Variants in RGS12 observed in about 807,000 individuals in gnomAD.
RGS12 encodes regulator of G-protein signaling 12.
Under a neutral mutation model 120.1 loss-of-function variants are expected in RGS12, and 66 were observed. The observed-to-expected ratio is 0.55, with a 90% CI of 0.45 to 0.67. The LOEUF (loss-of-function observed/expected upper bound fraction) is 0.67, where lower values mean the gene tolerates loss of function less well. Ranked by LOEUF, RGS12 falls within the 30% of genes least tolerant of loss-of-function variation. The probability of loss-of-function intolerance (pLI) is 0.00; values close to 1 mark genes in which losing one functional copy is unlikely to be tolerated. For synonymous variants in RGS12, 827 were observed against 804.7 expected (o/e 1.03, Z -0.47); for missense variants, 1,859 against 1,957.7 (o/e 0.95, Z 0.95).
At chr4:3,302,212 G>C (rs1039477268) in intron 1 of RGS12, among the ~76,000 whole-genome samples, 1 of 152,224 alleles carries the variant, frequency 6.6e-6, no homozygotes, top group Admixed American at 6.5e-5. Context: ...GCGCACGGGG[G>C]TATCCTGGAG....
chr4:3,431,863 G>A (rs528895323), intron 17 of RGS12: 200 of 985,608 alleles, frequency 2.0e-4, no homozygotes, highest in East Asian at 3.4e-4. Context: ...GAGGCCTGCC[G>A]TGAGGTTTGG....
chr4:3,420,599 CAG>C (rs762833091), intron 9 of RGS12, 41 bp from the exon 10 acceptor site: 1 of 1,596,978 alleles, frequency 6.3e-7, no homozygotes, highest in African/African-American at 1.3e-5. Flanking sequence ...ACCGAATAAA[CAG>C]GGTTCTGATT....
At chr4:3,341,034 CGGCCTGGTGGG>C (rs1421350864) in intron 2 of RGS12, among the ~76,000 whole-genome samples, 1 of 151,544 alleles carries the variant, frequency 6.6e-6, no homozygotes, top group African/African-American at 2.4e-5. Context: ...AGCCTTCTCT[CGGCCTGGTGGG>C]GGCCCAGTGG....
upstream of RGS12, among the ~76,000 whole-genome samples, chr4:3,291,124 G>A (rs1169605103): frequency 6.6e-6 from 1 of 152,216 alleles, no homozygotes; most frequent in East Asian, 1.9e-4. Context: ...GGCAAGTGTA[G>A]AGGAAAAAGC....
intron 2 of RGS12, among the ~76,000 whole-genome samples, chr4:3,318,838 C>T (rs1054582478): frequency 2.6e-5 from 4 of 152,216 alleles, no homozygotes; most frequent in South Asian, 2.1e-4. Flanking sequence ...CAGCCAGAGG[C>T]GGCGCTGCCG....
At chr4:3,287,910 A>G in the RGS12 span, among the ~76,000 whole-genome samples, 1 of 152,042 alleles carries the variant, frequency 6.6e-6, no homozygotes, top group Non-Finnish European at 1.5e-5. Context: ...CATCTCCCCC[A>G]AACTCACCGG....
At chr4:3,431,479 G>A in intron 17 of RGS12, 3 of 988,992 alleles carry the variant, frequency 3.0e-6, no homozygotes, top group Non-Finnish European at 3.6e-6. Flanking sequence ...CCCGTAGCAG[G>A]TGGTGTGGGT....
chr4:3,298,307 C>G (rs1387828832), intron 1 of RGS12, among the ~76,000 whole-genome samples: 2 of 152,086 alleles, frequency 1.3e-5, no homozygotes, highest in Admixed American at 6.6e-5. Flanking sequence ...TAGGTTGATC[C>G]TCTAATTCTC....
chr4:3,309,599 A>G (rs1724211048), intron 1 of RGS12, among the ~76,000 whole-genome samples: 1 of 123,140 alleles, frequency 8.1e-6, no homozygotes, highest in Admixed American at 8.2e-5. Context: ...GTTGAGGAGG[A>G]GCTGGGACCT....
In RGS12 at chr4:3,405,302, G is replaced by A. The variant is rs139330728; in HGVS notation, c.2021-8770G>A. The stretch of plus-strand genomic sequence containing the variant: ...CCCCAGCCACATGATGAGAGCCAGC[G>A]TCACCCACCCTGCAGTAAACTGACA... On this transcript the variant is annotated intron_variant, in intron 4 of 17. Transcript: ENST00000336727. 5.4e-4 allele frequency among the ~76,000 whole-genome samples: 82 copies of A among 152,342 alleles called. 1 individual carries two copies. The highest frequency in any genetic ancestry group is 1.9e-3 in the African/African-American group (80 of 41,576).
At chr4:3,337,516 C>T (rs952600999) in intron 2 of RGS12, among the ~76,000 whole-genome samples, 8 of 152,130 alleles carry the variant, frequency 5.3e-5, no homozygotes, top group Non-Finnish European at 7.3e-5. Context: ...CCATCCATAC[C>T]GCGGAATATT....
rs1476743477 is a variant in RGS12 at position 3,387,599 on chromosome 4, A to C, written c.2020+1162A>C. Among the ~76,000 whole-genome samples, 3 of 152,342 alleles carry C rather than the reference A, an allele frequency of 2.0e-5. No homozygotes were observed. The East Asian group carries it at 5.8e-4, about 29-fold the overall frequency. On this transcript the variant is annotated intron_variant, in intron 4 of 17. Coordinates refer to ENST00000336727, the MANE Select transcript of RGS12 (RefSeq NM_001394154.1). ...TATTTTGTAGAATAAAAGGAATTCT[A>C]TTTCCTATTTTATGTACAATGAAAA...
intron 3 of RGS12, among the ~76,000 whole-genome samples, chr4:3,382,664 T>C (rs533368234): frequency 3.3e-5 from 5 of 152,290 alleles, no homozygotes; most frequent in Non-Finnish European, 7.4e-5. Context: ...CTCCTCCTTA[T>C]TTTCTCTGCC....
intron 9 of RGS12, chr4:3,420,265 T>G: frequency 3.6e-6 from 1 of 276,886 alleles, no homozygotes. Flanking sequence ...AAGCTCCAGA[T>G]GGAATGGAGG....
Position 3,366,031 on chromosome 4 carries a change from G to T in RGS12, c.1999-20385G>T, listed in dbSNP as rs889251128. Among the ~76,000 whole-genome samples, 1 of 152,192 alleles carries T rather than the reference G, an allele frequency of 6.6e-6. No individual in the cohort carries two copies. Among genetic ancestry groups the T allele is most frequent in the Non-Finnish European group, 1.5e-5 (1 of 68,032 alleles). On this transcript the variant is annotated intron_variant, in intron 3 of 17. Transcript: ENST00000336727. This position sits in a 1 kb window ranked among gnomAD's most constrained non-coding sequence, Gnocchi z 4.0. ...GCTGCATGGGGCACCGTTGCGTGGG[G>T]CGTGCTCGAGGTGGAGACGGCTGTG...
intron 2 of RGS12, among the ~76,000 whole-genome samples, chr4:3,336,777 G>A (rs544309330): frequency 1.3e-5 from 2 of 152,254 alleles, no homozygotes; most frequent in South Asian, 4.1e-4. Context: ...CAGAATGAAG[G>A]CAACCCACAG....
At chr4:3,427,974 A>T in intron 14 of RGS12, 116 bp from the exon 15 acceptor site, 1 of 956,994 alleles carries the variant, frequency 1.0e-6, no homozygotes, top group East Asian at 2.4e-5. Flanking sequence ...TAAGGGCAGC[A>T]GATGCCTTGT....
intron 1 of RGS12, among the ~76,000 whole-genome samples, chr4:3,303,104 A>AG (rs1203838985): frequency 6.6e-6 from 1 of 152,056 alleles, no homozygotes; most frequent in East Asian, 1.9e-4. Flanking sequence ...GGTCTGACCG[A>AG]GGGGGATGTT....
intron 2 of RGS12, among the ~76,000 whole-genome samples, chr4:3,335,811 C>T (rs1165099361): frequency 1.3e-5 from 2 of 152,056 alleles, no homozygotes; most frequent in South Asian, 2.1e-4. Flanking sequence ...AAAACTGGGC[C>T]GGGCGTGGTG....
Sources: allele counts gnomAD v4.1 joint callset (sites outside exome capture counted in the v4.1 genomes callset), GRCh38; gene constraint gnomAD v4.1.1; non-coding constraint Gnocchi (gnomAD v3.1); transcripts MANE v1.5; gene names NCBI Gene and HGNC (gene_info 2026-07-23, HGNC 2026-07-21).